The following PCDH15 variants were observed in gnomAD, a reference collection of about 807,000 sequenced individuals.
The protein encoded by PCDH15 is protocadherin-15.
A neutral mutation model predicts 178.5 loss-of-function variants in PCDH15; 129 were observed. The observed-to-expected ratio is 0.72, with a 90% CI of 0.63 to 0.84. The LOEUF (loss-of-function observed/expected upper bound fraction) is 0.84. Among genes scored for constraint, PCDH15 ranks in the 40% least tolerant of loss-of-function variants. The pLI is 0.00. For missense variants in PCDH15, 2,230 were observed against 2,099.9 expected (o/e 1.06, Z -1.21); for synonymous variants, 800 against 732.0 (o/e 1.09, Z -1.50).
Position 54,236,828 on chromosome 10 carries a change from A to T in PCDH15, c.980T>A (p.Leu327His), listed in dbSNP as rs2054671693. The change falls in exon 9 of 38, where the codon CTT becomes CAT. Residue 327 changes from leucine (L) to histidine (H), a missense_variant. Physicochemically the swap from Leu to His is moderately conservative, Grantham distance 99 (BLOSUM62 -3). Coordinates refer to ENST00000644397, the MANE Select transcript of PCDH15 (RefSeq NM_001384140.1). ...AAATGTTATCAGATACAAACCAACA[A>T]GGATGGAATAGAGGATTCCTGGCCT... ...SDRPGILYSI[L>H]VGTPEDYPRF... 2 of 1,609,442 alleles carry T rather than the reference A, an allele frequency of 1.2e-6. No individual in the cohort carries two copies. The highest frequency in any genetic ancestry group is 1.7e-6 in the Non-Finnish European group (2 of 1,175,812).
intron 2 of PCDH15, chr10:54,600,594 G>A (rs1348468099): frequency 1.7e-6 from 1 of 589,200 alleles, no homozygotes; most frequent in Non-Finnish European, 3.3e-6. Context: ...AGAGCATGAA[G>A]AGACCTTTGA....
Position 54,133,016 on chromosome 10 carries a change from A to G in PCDH15, c.1785-9T>C, listed in dbSNP as rs776062893. 1 of 1,613,980 alleles carries G rather than the reference A, an allele frequency of 6.2e-7. No individual in the cohort carries two copies. Among genetic ancestry groups the G allele is most frequent in the Non-Finnish European group, 8.5e-7 (1 of 1,179,892 alleles). On this transcript the variant is annotated splice_polypyrimidine_tract_variant and intron_variant, in intron 14 of 37. Coordinates refer to ENST00000644397, the MANE Select transcript of PCDH15 (RefSeq NM_001384140.1). ...CAGTGCAGATGGAGTTCCTGCAGAG[A>G]AAGAGAGGAAAAGAAGATGGTTACG...
chr10:53,885,765 A>C (rs2081050128), intron 26 of PCDH15, among the ~76,000 whole-genome samples: 1 of 152,194 alleles, frequency 6.6e-6, no homozygotes, highest in Non-Finnish European at 1.5e-5. Flanking sequence ...TAGAAAAGTT[A>C]TATTGAGTAT....
At chr10:54,298,596 G>A (rs887438923) in intron 8 of PCDH15, among the ~76,000 whole-genome samples, 9 of 152,192 alleles carry the variant, frequency 5.9e-5, no homozygotes, top group African/African-American at 2.2e-4. Flanking sequence ...TCACTGGAAG[G>A]CACACTGCCC....
chr10:54,546,226 G>A (rs117792863), intron 2 of PCDH15, among the ~76,000 whole-genome samples: 156 of 152,214 alleles, frequency 1.0e-3, no homozygotes, highest in Non-Finnish European at 1.7e-3. Flanking sequence ...GATGAAAGAG[G>A]CTACCTGGAT....
intron 18 of PCDH15, among the ~76,000 whole-genome samples, chr10:54,044,283 G>A (rs542391839): frequency 6.6e-6 from 1 of 152,220 alleles, no homozygotes; most frequent in Non-Finnish European, 1.5e-5. Context: ...TAAACAAGGT[G>A]TAGGTAGTGA....
At chr10:53,931,711 T>A (rs1175839016) in intron 25 of PCDH15, among the ~76,000 whole-genome samples, 2 of 152,208 alleles carry the variant, frequency 1.3e-5, no homozygotes, top group African/African-American at 2.4e-5. Flanking sequence ...TTATAATTTT[T>A]AAAAAAATTG....
chr10:55,467,966 C>CAAA (rs71463104), intron 2 of PCDH15, among the ~76,000 whole-genome samples: 1,178 of 36,456 alleles, frequency 0.032, 112 homozygotes, highest in Admixed American at 0.087. Flanking sequence ...GACTCCGTCT[C>CAAA]AAAAAAAAAA....
chr10:55,590,578 G>A (rs1334151455), intron 2 of PCDH15, among the ~76,000 whole-genome samples: 2 of 152,076 alleles, frequency 1.3e-5, no homozygotes, highest in Non-Finnish European at 2.9e-5. Flanking sequence ...TGTCTTGGTA[G>A]TAAAAAGACA....
At chr10:55,626,997 AAAG>A (rs1837542779) in intron 2 of PCDH15, among the ~76,000 whole-genome samples, 1 of 152,198 alleles carries the variant, frequency 6.6e-6, no homozygotes, top group Non-Finnish European at 1.5e-5. Context: ...AAGAGAAGAT[AAAG>A]AAGGAAAGAA....
At chr10:54,191,402 C>G (rs2048975751) in intron 11 of PCDH15, among the ~76,000 whole-genome samples, 1 of 152,026 alleles carries the variant, frequency 6.6e-6, no homozygotes, top group Admixed American at 6.6e-5. Flanking sequence ...CCAGCCTGTG[C>G]AACAGATGAA....
intron 2 of PCDH15, among the ~76,000 whole-genome samples, chr10:55,030,424 C>A (rs974555463): frequency 3.9e-5 from 6 of 152,020 alleles, no homozygotes; most frequent in Non-Finnish European, 8.8e-5. Flanking sequence ...GCTAATATTT[C>A]TAAGATTAAA....
intron 2 of PCDH15, among the ~76,000 whole-genome samples, chr10:55,621,924 C>T (rs1044615063): frequency 4.7e-5 from 7 of 147,756 alleles, no homozygotes; most frequent in African/African-American, 1.0e-4. Context: ...AATGAGGAAA[C>T]GACATTGAAA....
intron 2 of PCDH15, among the ~76,000 whole-genome samples, chr10:55,124,310 G>C (rs1249878802): frequency 6.6e-6 from 1 of 152,026 alleles, no homozygotes; most frequent in African/African-American, 2.4e-5. Flanking sequence ...AGCTCTCTGA[G>C]GTAGGGTTGA....
chr10:54,303,408 A>C (rs140533493), intron 8 of PCDH15, among the ~76,000 whole-genome samples: 91 of 152,144 alleles, frequency 6.0e-4, no homozygotes, highest in African/African-American at 2.2e-3. Flanking sequence ...ATATATAAAA[A>C]TATATTTATG....
chr10:55,294,824 T>G (rs1372628498), intron 1 of PCDH15, among the ~76,000 whole-genome samples: 1 of 152,180 alleles, frequency 6.6e-6, no homozygotes, highest in Non-Finnish European at 1.5e-5. Context: ...ATTCTGCATT[T>G]GAGTAATTTC....
intron 2 of PCDH15, among the ~76,000 whole-genome samples, chr10:55,533,062 A>G (rs534788097): frequency 0.013 from 850 of 65,542 alleles, 3 homozygotes; most frequent in Non-Finnish European, 0.013. Flanking sequence ...TAAATTTTCA[A>G]AAAGTAAAAC....
At chr10:55,483,285 A>G (rs563429802) in intron 2 of PCDH15, among the ~76,000 whole-genome samples, 1 of 151,828 alleles carries the variant, frequency 6.6e-6, no homozygotes, top group African/African-American at 2.4e-5. Flanking sequence ...TTTTTACAAA[A>G]AAAAATCCAT....
intron 28 of PCDH15, among the ~76,000 whole-genome samples, chr10:53,843,446 A>G (rs934821610): frequency 3.9e-5 from 6 of 152,030 alleles, no homozygotes; most frequent in African/African-American, 1.2e-4. Context: ...GAGATTTGCA[A>G]TGATGTTTAT....
Sources: gnomAD v4.1 joint callset for allele counts (sites outside exome capture counted in the v4.1 genomes callset) on GRCh38, gnomAD v4.1.1 for gene constraint, MANE v1.5 for transcripts, NCBI Gene and HGNC (gene_info 2026-07-23, HGNC 2026-07-21) for gene names.